Variants in SEMA3A observed in about 807,000 individuals in gnomAD.
The protein encoded by SEMA3A is semaphorin-3A.
In SEMA3A, 29 loss-of-function variants were observed where a neutral mutation model predicts 97.9. The observed-to-expected ratio is 0.30, with a 90% CI of 0.22 to 0.40. The LOEUF is 0.40. Among genes scored for constraint, SEMA3A ranks in the 10% least tolerant of loss-of-function variants. SEMA3A has a pLI of 1.00. For missense variants in SEMA3A, 763 were observed against 951.3 expected (o/e 0.80, Z 2.60); for synonymous variants, 321 against 323.7 (o/e 0.99, Z 0.09).
At chr7:84,347,884 TCA>T (rs1401495788) in intron 2 of SEMA3A, among the ~76,000 whole-genome samples, 9 of 152,150 alleles carry the variant, frequency 5.9e-5, no homozygotes, top group African/African-American at 2.2e-4. Flanking sequence ...AAGGCAACTT[TCA>T]GAGTGATGGA....
intron 1 of SEMA3A, among the ~76,000 whole-genome samples, chr7:84,410,481 G>T (rs1367640755): frequency 1.3e-5 from 2 of 152,080 alleles, no homozygotes; most frequent in Non-Finnish European, 2.9e-5. Flanking sequence ...CACCTGTAAA[G>T]AAGAAAATTA....
At chr7:84,201,551 C>T (rs963376144) in intron 3 of SEMA3A, among the ~76,000 whole-genome samples, 2 of 152,048 alleles carry the variant, frequency 1.3e-5, no homozygotes, top group Non-Finnish European at 2.9e-5. Context: ...GGTTTAATTT[C>T]ACTGCCTTGG....
intron 2 of SEMA3A, among the ~76,000 whole-genome samples, chr7:84,360,130 C>G (rs761269401): frequency 6.6e-6 from 1 of 152,040 alleles, no homozygotes; most frequent in African/African-American, 2.4e-5. Context: ...TTTTGTGTCT[C>G]TATCTCCTTC....
intron 3 of SEMA3A, among the ~76,000 whole-genome samples, chr7:84,286,217 C>G (rs932173938): frequency 6.6e-6 from 1 of 152,056 alleles, no homozygotes; most frequent in Middle Eastern, 3.2e-3. Context: ...TATGAGGCAC[C>G]TCAACGTAGC....
intron 4 of SEMA3A, among the ~76,000 whole-genome samples, chr7:84,087,243 C>A: frequency 6.6e-6 from 1 of 152,076 alleles, no homozygotes; most frequent in Middle Eastern, 3.2e-3. Flanking sequence ...CTCTGTGATT[C>A]ATTAGAAGTG....
Position 84,267,375 on chromosome 7 carries a change from TGGAG to T in SEMA3A, c.-83+39828_-83+39831del, listed in dbSNP as rs141014791. Among the ~76,000 whole-genome samples the T allele has an allele frequency of 2.7e-3, 409 of 152,216 alleles. 1 individual carries two copies. Among genetic ancestry groups the T allele is most frequent in the African/African-American group, 9.6e-3 (399 of 41,552 alleles). ...ACGAGCACAATTAACAACTTCTCAA[TGGAG>T]GAACTGTTAAAACATGTTAAAAATT... On this transcript the variant is annotated intron_variant, in intron 3 of 3. Transcript: ENST00000424555.
intron 12 of SEMA3A, among the ~76,000 whole-genome samples, chr7:83,986,996 G>GCACACA (rs1297985735): frequency 6.7e-6 from 1 of 149,586 alleles, no homozygotes; most frequent in African/African-American, 2.5e-5. Flanking sequence ...ACACCCACAC[G>GCACACA]CACACACACA....
At chr7:84,217,164 G>A (rs146198469) in intron 3 of SEMA3A, among the ~76,000 whole-genome samples, 7 of 152,250 alleles carry the variant, frequency 4.6e-5, no homozygotes, top group African/African-American at 1.7e-4. Flanking sequence ...AATGGTTAAC[G>A]CAGAAAGGAA....
At chr7:84,087,432 G>T (rs1794416821) in intron 4 of SEMA3A, among the ~76,000 whole-genome samples, 1 of 152,170 alleles carries the variant, frequency 6.6e-6, no homozygotes, top group Admixed American at 6.5e-5. Context: ...CATGCCAGGG[G>T]CTAGTGTTCT....
At chr7:84,371,438 C>T (rs911413364) in intron 2 of SEMA3A, among the ~76,000 whole-genome samples, 1 of 151,802 alleles carries the variant, frequency 6.6e-6, no homozygotes, top group Admixed American at 6.6e-5. Flanking sequence ...AATTTTCTAA[C>T]ACAAAATTTT....
chr7:84,066,172 C>A (rs943536990), intron 4 of SEMA3A, among the ~76,000 whole-genome samples: 4 of 151,902 alleles, frequency 2.6e-5, no homozygotes, highest in Admixed American at 6.6e-5. Flanking sequence ...ACAAAAACCA[C>A]ATGATTATCG....
intron 2 of SEMA3A, among the ~76,000 whole-genome samples, chr7:84,311,237 T>C (rs1341049818): frequency 6.6e-6 from 1 of 151,950 alleles, no homozygotes; most frequent in Non-Finnish European, 1.5e-5. Flanking sequence ...TGGGACTTGT[T>C]TTTTAGTTGC....
chr7:84,006,854 CAT>C (rs1165452362), intron 10 of SEMA3A, among the ~76,000 whole-genome samples: 1 of 151,914 alleles, frequency 6.6e-6, no homozygotes, highest in Non-Finnish European at 1.5e-5. Context: ...TAAATACACA[CAT>C]ATATATGTCT....
chr7:84,139,145 ATG>A (rs1352981640), intron 1 of SEMA3A, among the ~76,000 whole-genome samples: 1 of 152,126 alleles, frequency 6.6e-6, no homozygotes, highest in Admixed American at 6.6e-5. Flanking sequence ...GTAATGTGAA[ATG>A]TGTGTTATTC....
chr7:84,054,026 T>C (rs1465926256), intron 5 of SEMA3A, among the ~76,000 whole-genome samples: 1 of 151,892 alleles, frequency 6.6e-6, no homozygotes, highest in African/African-American at 2.4e-5. Context: ...TCTTTAAGAA[T>C]GTTGAATATT....
chr7:84,086,555 A>T (rs201567389), intron 4 of SEMA3A, among the ~76,000 whole-genome samples: 1 of 78,350 alleles, frequency 1.3e-5, no homozygotes, highest in Non-Finnish European at 2.9e-5. Flanking sequence ...TACATATAAT[A>T]TATTATTATA....
At chr7:84,062,470 G>A (rs895114571) in intron 4 of SEMA3A, among the ~76,000 whole-genome samples, 12 of 152,196 alleles carry the variant, frequency 7.9e-5, no homozygotes, top group Non-Finnish European at 1.5e-4. Flanking sequence ...AGTGAGCGAC[G>A]CAGAAGATGG....
chr7:84,050,676 G>A (rs928692539), intron 5 of SEMA3A, among the ~76,000 whole-genome samples: 3 of 152,188 alleles, frequency 2.0e-5, no homozygotes, highest in African/African-American at 4.8e-5. Flanking sequence ...TCACTCTGAT[G>A]GTAGTTTCTT....
At chr7:84,236,769 T>C (rs963572147) in intron 3 of SEMA3A, among the ~76,000 whole-genome samples, 1 of 152,164 alleles carries the variant, frequency 6.6e-6, no homozygotes, top group Non-Finnish European at 1.5e-5. Context: ...TTCAAGTGTG[T>C]TATCTTCCAA....
Sources: gnomAD v4.1 joint callset for allele counts (sites outside exome capture counted in the v4.1 genomes callset) on GRCh38, gnomAD v4.1.1 for gene constraint, MANE v1.5 for transcripts, NCBI Gene and HGNC (gene_info 2026-07-23, HGNC 2026-07-21) for gene names.